CACNG7: variants seen among roughly 807,000 people sequenced by gnomAD.
CACNG7 encodes the protein voltage-dependent calcium channel gamma-7 subunit.
CACNG7 carries 9 observed loss-of-function variants against 26.3 expected under a neutral mutation model. The ratio of observed to expected loss-of-function variants is 0.34; its 90% CI spans 0.21 to 0.60. The LOEUF (loss-of-function observed/expected upper bound fraction) is 0.60. Ranked by LOEUF, CACNG7 falls within the 20% of genes least tolerant of loss-of-function variation. The pLI is 0.81. For missense variants in CACNG7, 297 were observed against 380.4 expected (o/e 0.78, Z 1.82); for synonymous variants, 170 against 157.0 (o/e 1.08, Z -0.62).
In CACNG7 at chr19:53,919,606, G is replaced by C. The variant is rs867452948; in HGVS notation, c.424+4101G>C. On this transcript the variant is annotated intron_variant, in intron 4 of 5. Coordinates refer to ENST00000391767, the MANE Select transcript of CACNG7 (RefSeq NM_031896.5). ...TTGCCCCAGGCTGGTCATTGGTGGA[G>C]TTGCCCCAGGCTGGTCATTGGTGGA... is the stretch of plus-strand genomic sequence containing the variant. Among the ~76,000 whole-genome samples the C allele has an allele frequency of 5.4e-3, 649 of 121,050 alleles. 4 individuals carry two copies. Among genetic ancestry groups the C allele is most frequent in the Middle Eastern group, 0.012 (2 of 166 alleles). 79.4% of individuals were successfully genotyped at this position (121,050 alleles called of 152,430 possible).
intron 1 of CACNG7, among the ~76,000 whole-genome samples, chr19:53,911,231 A>C (rs1262396066): frequency 1.3e-5 from 2 of 151,782 alleles, no homozygotes; most frequent in East Asian, 3.9e-4. Context: ...GTGCCCGGCT[A>C]ATTTTTGTAT....
At chr19:53,938,989 G>A (rs1347289814) in intron 4 of CACNG7, among the ~76,000 whole-genome samples, 1 of 150,846 alleles carries the variant, frequency 6.6e-6, no homozygotes, top group Non-Finnish European at 1.5e-5. Flanking sequence ...GGGTGTGGTG[G>A]CTCACACCTG....
At chr19:53,930,973 A>C (rs1250104661) in intron 4 of CACNG7, among the ~76,000 whole-genome samples, 1 of 152,116 alleles carries the variant, frequency 6.6e-6, no homozygotes, top group Non-Finnish European at 1.5e-5. Flanking sequence ...AGGTGGGCAC[A>C]TTACTTGAGC....
chr19:53,923,868 G>C (rs1441035276), intron 4 of CACNG7, among the ~76,000 whole-genome samples: 21 of 130,872 alleles, frequency 1.6e-4, no homozygotes, highest in African/African-American at 6.2e-4. Flanking sequence ...CATTGGTGGA[G>C]TTGCCCCAGG....
intron 4 of CACNG7, among the ~76,000 whole-genome samples, chr19:53,916,487 C>CTTT (rs397706471): frequency 0.035 from 3,372 of 95,384 alleles, 401 homozygotes; most frequent in African/African-American, 0.14. Flanking sequence ...TTCTTTCTTT[C>CTTT]TTTTTTTTTT....
At chr19:53,933,363 G>C (rs866204774) in intron 4 of CACNG7, among the ~76,000 whole-genome samples, 2 of 145,836 alleles carry the variant, frequency 1.4e-5, no homozygotes, top group East Asian at 4.0e-4. Flanking sequence ...GCAGTGGTGC[G>C]GTCTCGGCTC....
chr19:53,916,092 A>G (rs2068895576), intron 4 of CACNG7, among the ~76,000 whole-genome samples: 2 of 152,228 alleles, frequency 1.3e-5, no homozygotes. Flanking sequence ...GCGTCTGTCC[A>G]TCTGTCTATA....
At chr19:53,941,341 G>A in intron 4 of CACNG7, 129 bp from the exon 5 acceptor site, 3 of 1,054,854 alleles carry the variant, frequency 2.8e-6, no homozygotes, top group Non-Finnish European at 3.9e-6. Flanking sequence ...CCAAGGCCCA[G>A]CATACAAGGG....
chr19:53,929,161 G>A (rs1006657055), intron 4 of CACNG7, among the ~76,000 whole-genome samples: 1 of 151,214 alleles, frequency 6.6e-6, no homozygotes, highest in South Asian at 2.1e-4. Context: ...CCTGAGCTGG[G>A]GCAAGGGACT....
Position 53,942,476 on chromosome 19 carries a change from G to A in CACNG7, c.*183G>A, listed in dbSNP as rs949803885. On this transcript the variant is annotated 3_prime_UTR_variant, in exon 6 of 6. Coordinates refer to ENST00000391767, the MANE Select transcript of CACNG7 (RefSeq NM_031896.5). This position sits in a 1 kb window ranked among gnomAD's most constrained non-coding sequence, Gnocchi z 5.9. ...CACAGACTCCCTTATTTCAATGGCCGCGCCCTCTTTTCCCGACCTCTCCTT... is the reference window on the plus strand; with the variant it reads ...CACAGACTCCCTTATTTCAATGGCCACGCCCTCTTTTCCCGACCTCTCCTT... 11 of 1,440,270 alleles carry A rather than the reference G, an allele frequency of 7.6e-6. No individual in the cohort carries two copies. Among genetic ancestry groups the A allele is most frequent in the East Asian group, 2.5e-5 (1 of 39,796 alleles). The allele number at this position is 1,440,270 out of a possible 1,614,324, so 89.2% of individuals were successfully genotyped here. A position where few individuals can be genotyped will look rare whatever the true frequency, so the allele number is the denominator to read the frequency against.
chr19:53,938,922 T>A (rs771829217), intron 4 of CACNG7, among the ~76,000 whole-genome samples: 1 of 150,354 alleles, frequency 6.7e-6, no homozygotes, highest in Non-Finnish European at 1.5e-5. Context: ...CTCTCCAGCC[T>A]GGGTGACAGA....
rs1379374113 is a variant in CACNG7 at position 53,912,969 on chromosome 19, G to A, written c.138G>A (p.Gln46=). The A allele has an allele frequency of 6.2e-7, 1 of 1,614,020 alleles. No homozygotes were observed. Among genetic ancestry groups the A allele is most frequent in the South Asian group, 1.1e-5 (1 of 91,082 alleles). The change falls in exon 2 of 6, where the codon CAG becomes CAA. Residue 46 remains glutamine (Q), a synonymous_variant. Transcript: ENST00000391767. This position sits in a 1 kb window ranked among gnomAD's most constrained non-coding sequence, Gnocchi z 4.6. ...AAGGCACAGTGCTACCGCAGAACCA[G>A]ACCACCGAGGTCAAGATGGCCCTGC... ...MEEGTVLPQN[Q]TTEVKMALHA...
intron 4 of CACNG7, among the ~76,000 whole-genome samples, chr19:53,925,707 C>T (rs916621524): frequency 2.0e-5 from 3 of 152,246 alleles, no homozygotes; most frequent in African/African-American, 7.2e-5. Flanking sequence ...CATTAAATGT[C>T]TCACAGGGAC....
Position 53,942,003 on chromosome 19 carries a change from C to T in CACNG7, c.571-33C>T, listed in dbSNP as rs376339390. ...CGGGGTCCGGGGATGCGCAGGGGGGCGCCCCTGGGACTCTGACCTTGCCTT... is the reference window on the plus strand; with the variant it reads ...CGGGGTCCGGGGATGCGCAGGGGGGTGCCCCTGGGACTCTGACCTTGCCTT... On this transcript the variant is annotated intron_variant, in intron 5 of 5. Transcript: ENST00000391767. This position sits in a 1 kb window ranked among gnomAD's most constrained non-coding sequence, Gnocchi z 5.9. The T allele has an allele frequency of 6.5e-7, 1 of 1,544,028 alleles. No individual in the cohort carries two copies. The highest frequency in any genetic ancestry group is 8.8e-7 in the Non-Finnish European group (1 of 1,141,288).
chr19:53,925,784 G>T (rs558061040), intron 4 of CACNG7, among the ~76,000 whole-genome samples: 24 of 152,352 alleles, frequency 1.6e-4, no homozygotes, highest in African/African-American at 4.1e-4. Context: ...TTGTGTAGTG[G>T]CCCAGGCCGT....
intron 4 of CACNG7, among the ~76,000 whole-genome samples, chr19:53,923,623 GAGTTGTCCCAGGTCTGGTCATTGGTGC>G (rs2068987823): frequency 1.4e-5 from 2 of 141,024 alleles, no homozygotes; most frequent in Admixed American, 6.9e-5. Flanking sequence ...GTCATTGGTG[GAGTTGTCCCAGGTCTGGTCATTGGTGC>G]AGTTGCCCCA....
chr19:53,921,308 CTTGCCCCAGGTCTGGTCATTGGT>C (rs2068948384), intron 4 of CACNG7, among the ~76,000 whole-genome samples: 1 of 75,946 alleles, frequency 1.3e-5, no homozygotes. Context: ...CATTGGTGGA[CTTGCCCCAGGTCTGGTCATTGGT>C]GGACTTGCCC....
At chr19:53,933,297 ATTTT>A (rs1009491295) in intron 4 of CACNG7, among the ~76,000 whole-genome samples, 4 of 126,056 alleles carry the variant, frequency 3.2e-5, no homozygotes, top group Admixed American at 8.3e-5. Context: ...CGCCTGGCCA[ATTTT>A]TTTTTTTTTT....
chr19:53,918,234 C>T (rs1381713033), intron 4 of CACNG7, among the ~76,000 whole-genome samples: 3 of 152,206 alleles, frequency 2.0e-5, no homozygotes, highest in Non-Finnish European at 4.4e-5. Flanking sequence ...AAATCTTGAT[C>T]AGTGGTTGGC....
Sources: gnomAD v4.1 joint callset for allele counts (sites outside exome capture counted in the v4.1 genomes callset) on GRCh38, gnomAD v4.1.1 for gene constraint, Gnocchi (gnomAD v3.1) non-coding constraint, MANE v1.5 for transcripts, NCBI Gene and HGNC (gene_info 2026-07-23, HGNC 2026-07-21) for gene names.